Variants in RNFT2 observed in about 807,000 individuals in gnomAD.
RNFT2 encodes the protein E3 ubiquitin-protein ligase RNFT2.
RNFT2 carries 36 observed loss-of-function variants against 53.0 expected under a neutral mutation model. That is an observed-to-expected ratio of 0.68 (90% CI 0.52 to 0.90). The LOEUF (loss-of-function observed/expected upper bound fraction) is 0.90. RNFT2 is among the 40% of genes least tolerant of loss of function. The pLI is 0.00. For synonymous variants in RNFT2, 260 were observed against 253.2 expected (o/e 1.03, Z -0.26); for missense variants, 514 against 585.6 (o/e 0.88, Z 1.26).
Position 116,852,732 on chromosome 12 carries a change from G to A in RNFT2, c.*3284G>A, listed in dbSNP as rs372387554. On this transcript the variant is annotated 3_prime_UTR_variant, in exon 11 of 11. Coordinates refer to ENST00000257575, the MANE Select transcript of RNFT2 (RefSeq NM_001382266.1). ...GTGTAAGGAAATAGAACAGTCTGCT[G>A]GGAGTCAGACCTGGAATTCTGATTC... is the stretch of plus-strand genomic sequence containing the variant. The A allele has an allele frequency of 6.2e-7, 1 of 1,608,846 alleles. No homozygotes were observed. The highest frequency in any genetic ancestry group is 8.5e-7 in the Non-Finnish European group (1 of 1,175,232).
intron 5 of RNFT2, among the ~76,000 whole-genome samples, chr12:116,757,760 G>A (rs1872566580): frequency 6.6e-6 from 1 of 151,860 alleles, no homozygotes; most frequent in South Asian, 2.1e-4. Context: ...CTATCTTGGA[G>A]AAAGTTCCAT....
At chr12:116,796,857 A>G (rs1566084140) in intron 7 of RNFT2, among the ~76,000 whole-genome samples, 1 of 152,216 alleles carries the variant, frequency 6.6e-6, no homozygotes, top group Non-Finnish European at 1.5e-5. Context: ...CTTCGAGAAG[A>G]GCCAGCCACA....
intron 10 of RNFT2, among the ~76,000 whole-genome samples, chr12:116,847,982 A>T (rs753600786): frequency 3.3e-5 from 5 of 152,162 alleles, no homozygotes; most frequent in Non-Finnish European, 5.9e-5. Context: ...TTAGCAATTT[A>T]TCCTGATGTT....
chr12:116,810,835 T>C (rs971485927), intron 7 of RNFT2, among the ~76,000 whole-genome samples: 1 of 152,322 alleles, frequency 6.6e-6, no homozygotes, highest in Admixed American at 6.5e-5. Context: ...TAGGGGGGAC[T>C]ACCCTGCTTC....
At chr12:116,758,629 A>C (rs1340044808) in intron 5 of RNFT2, among the ~76,000 whole-genome samples, 1 of 152,112 alleles carries the variant, frequency 6.6e-6, no homozygotes, top group African/African-American at 2.4e-5. Context: ...TGTTAGTTTC[A>C]CTGGATACAA....
intron 7 of RNFT2, among the ~76,000 whole-genome samples, chr12:116,793,428 T>A (rs1410998263): frequency 6.6e-6 from 1 of 151,954 alleles, no homozygotes; most frequent in Non-Finnish European, 1.5e-5. Flanking sequence ...GCTCAAGTGC[T>A]CCTCCCACCT....
At chr12:116,750,893 TATATA>T in intron 4 of RNFT2, among the ~76,000 whole-genome samples, 1 of 7,624 alleles carries the variant, frequency 1.3e-4, no homozygotes, top group Admixed American at 2.6e-3. Flanking sequence ...ATATATATAA[TATATA>T]TATATATATA....
chr12:116,838,184 T>C (rs1336684966), intron 10 of RNFT2, among the ~76,000 whole-genome samples: 1 of 152,236 alleles, frequency 6.6e-6, no homozygotes, highest in Admixed American at 6.5e-5. Flanking sequence ...CTTCTATTGA[T>C]AGGCATTTAG....
chr12:116,844,427 G>C (rs1877504012), intron 10 of RNFT2, among the ~76,000 whole-genome samples: 1 of 152,208 alleles, frequency 6.6e-6, no homozygotes, highest in Non-Finnish European at 1.5e-5. Context: ...AGTGGAGACA[G>C]GCTTTCGCCA....
chr12:116,832,527 T>C (rs1876728571), intron 7 of RNFT2, among the ~76,000 whole-genome samples: 1 of 152,178 alleles, frequency 6.6e-6, no homozygotes, highest in East Asian at 1.9e-4. Flanking sequence ...ACTAAGGACA[T>C]TGGCATACAT....
At chr12:116,759,520 CTGT>C (rs1181476044) in intron 5 of RNFT2, among the ~76,000 whole-genome samples, 1 of 152,194 alleles carries the variant, frequency 6.6e-6, no homozygotes, top group East Asian at 1.9e-4. Flanking sequence ...GGGCTGAAGG[CTGT>C]TGTTCAGATT....
intron 7 of RNFT2, among the ~76,000 whole-genome samples, chr12:116,822,073 G>A (rs1288292685): frequency 6.6e-6 from 1 of 152,038 alleles, no homozygotes; most frequent in African/African-American, 2.4e-5. Flanking sequence ...GACCTCAGGT[G>A]ATCTGTGTGC....
intron 6 of RNFT2, 68 bp from the exon 7 acceptor site, chr12:116,779,127 G>A (rs1356574683): frequency 3.9e-6 from 6 of 1,523,158 alleles, no homozygotes; most frequent in Non-Finnish European, 5.4e-6. Flanking sequence ...AGGCTCCTGA[G>A]TGAGTAGAAG....
At position 116,849,340 on chromosome 12, in the gene RNFT2, C is replaced by T; in HGVS notation, c.1227C>T (p.Cys409=). Residue 409 remains cysteine, a synonymous_variant, in exon 11 of 11, where the codon TGC becomes TGT. Coordinates refer to ENST00000257575, the MANE Select transcript of RNFT2 (RefSeq NM_001382266.1). ...CQHVFCEECL[C]LWLDRERTCP... ...ACGTGTTCTGTGAGGAGTGCCTCTG[C>T]CTGTGGCTGGACCGTGAGCGCACCT... 1.3e-6 allele frequency: 2 copies of T among 1,543,058 alleles called. No homozygotes were observed. Among genetic ancestry groups the T allele is most frequent in the Non-Finnish European group, 8.7e-7 (1 of 1,147,212 alleles).
At chr12:116,839,629 AG>A (rs1332839802) in intron 10 of RNFT2, among the ~76,000 whole-genome samples, 3 of 151,248 alleles carry the variant, frequency 2.0e-5, no homozygotes, top group African/African-American at 7.3e-5. Context: ...ATGGTGTCCA[AG>A]TGGAGGAGTG....
At position 116,836,058 on chromosome 12, in the gene RNFT2, C is replaced by T. The variant is rs372410395; in HGVS notation, c.1098+33C>T. ...GGCTTCAGGTGGTCCCCACCAGGGT[C>T]CTGAGAATCAGGAACTGGAAACAGC... On this transcript the variant is annotated intron_variant, in intron 9 of 10. Transcript: ENST00000257575. The T allele has an allele frequency of 1.5e-4, 248 of 1,613,074 alleles. No homozygotes were observed. In the African/African-American group the frequency reaches 1.8e-3, roughly 12 times the overall value.
At chr12:116,791,830 T>A (rs1874246745) in intron 7 of RNFT2, among the ~76,000 whole-genome samples, 1 of 152,186 alleles carries the variant, frequency 6.6e-6, no homozygotes, top group Non-Finnish European at 1.5e-5. Flanking sequence ...ATGTTGAACC[T>A]TTTGAGGAAC....
rs768033580 is a variant in RNFT2 at position 116,740,512 on chromosome 12, A to G, written c.15A>G (p.Thr5=). The G allele has an allele frequency of 3.8e-6, 6 of 1,573,328 alleles. No individual in the cohort carries two copies. The highest frequency in any genetic ancestry group is 1.7e-6 in the Non-Finnish European group (2 of 1,158,078). ...TTCTGAAGTCCATGTGGCTCTTCACAGTGAATCAGGTGACACGTCTCCAAG... is the reference window on the plus strand; with the variant it reads ...TTCTGAAGTCCATGTGGCTCTTCACGGTGAATCAGGTGACACGTCTCCAAG... MWLF[T]VNQVLRKMQR... is the part of the protein sequence containing the mutation. Residue 5 remains threonine, a synonymous_variant, in exon 2 of 11, where the codon ACA becomes ACG. Transcript: ENST00000257575.
chr12:116,832,140 A>ATATATATATATATATATATAT (rs1555209706), intron 7 of RNFT2, among the ~76,000 whole-genome samples: 6 of 68,146 alleles, frequency 8.8e-5, no homozygotes, highest in African/African-American at 3.2e-4. Context: ...CAAAAAAAAA[A>ATATATATATATATATATATAT]AAAAAAAAAT....
Sources: allele counts gnomAD v4.1 joint callset (sites outside exome capture counted in the v4.1 genomes callset), GRCh38; gene constraint gnomAD v4.1.1; transcripts MANE v1.5; gene names NCBI Gene and HGNC (gene_info 2026-07-23, HGNC 2026-07-21).